SYK: variants seen among roughly 807,000 people sequenced by gnomAD.
SYK encodes spleen associated tyrosine kinase.
In SYK, 16 loss-of-function variants were observed where a neutral mutation model predicts 77.8. The observed-to-expected ratio is 0.21, with a 90% CI of 0.14 to 0.31. The LOEUF (loss-of-function observed/expected upper bound fraction) is 0.31, where lower values mean the gene tolerates loss of function less well. Ranked by LOEUF, SYK falls within the 10% of genes least tolerant of loss-of-function variation. The pLI, the probability that SYK is intolerant of heterozygous loss-of-function variation, is 1.00. For missense variants in SYK, 529 were observed against 814.4 expected, an observed-to-expected ratio of 0.65 and a Z score of 4.26; for synonymous variants, 312 against 308.7, an observed-to-expected ratio of 1.01 and a Z score of -0.11.
intron 1 of SYK, among the ~76,000 whole-genome samples, chr9:90,805,022 G>A (rs1824763242): frequency 6.6e-6 from 1 of 151,950 alleles, no homozygotes; most frequent in South Asian, 2.1e-4. Flanking sequence ...TGGTTAAACT[G>A]GAATCTTAAA....
chr9:90,828,244 CCCG>C (rs1554706461), intron 1 of SYK, among the ~76,000 whole-genome samples: 2 of 114,820 alleles, frequency 1.7e-5, no homozygotes, highest in Non-Finnish European at 1.9e-5. Flanking sequence ...CGCCCCCCCC[CCCG>C]CCCCGCCCAG....
At chr9:90,880,615 T>C (rs10761395) in intron 11 of SYK, among the ~76,000 whole-genome samples, 46,639 of 152,008 alleles carry the variant, frequency 0.31, 7,758 homozygotes, top group Middle Eastern at 0.38. Flanking sequence ...ACAGAGGAGA[T>C]AGAGAAAATG....
At chr9:90,831,729 C>A (rs1260320154) in intron 1 of SYK, among the ~76,000 whole-genome samples, 1 of 152,184 alleles carries the variant, frequency 6.6e-6, no homozygotes, top group Non-Finnish European at 1.5e-5. Context: ...TTTAAGTCAC[C>A]CAACACATAC....
chr9:90,808,787 C>A (rs1246075369), intron 1 of SYK, among the ~76,000 whole-genome samples: 1 of 152,120 alleles, frequency 6.6e-6, no homozygotes, highest in Non-Finnish European at 1.5e-5. Context: ...TTCTAAGGCA[C>A]TCCACCCTTG....
intron 9 of SYK, among the ~76,000 whole-genome samples, chr9:90,875,524 C>T (rs563787711): frequency 2.0e-5 from 3 of 152,066 alleles, no homozygotes; most frequent in Non-Finnish European, 4.4e-5. Flanking sequence ...ATTTTTAGAT[C>T]TTTATTTGTA....
Position 90,877,028 on chromosome 9 carries a change from C to T in SYK, c.1182-543C>T, listed in dbSNP as rs180825065. 1.8e-4 allele frequency among the ~76,000 whole-genome samples: 28 copies of T among 152,256 alleles called. 1 individual carries two copies. The highest frequency in any genetic ancestry group is 1.5e-5 in the Non-Finnish European group (1 of 68,020). ...GTTTTTGCTTGGTTGGGACATTCTT[C>T]AGTACTGTTCTTCACCATTCTTTTT... is the stretch of plus-strand genomic sequence containing the variant. On this transcript the variant is annotated intron_variant, in intron 9 of 13. Transcript: ENST00000375754.
At chr9:90,893,551 G>T (rs1358965453) in intron 13 of SYK, among the ~76,000 whole-genome samples, 2 of 152,126 alleles carry the variant, frequency 1.3e-5, no homozygotes, top group African/African-American at 4.8e-5. Context: ...ACCCAGGTAT[G>T]GTTGAAGGGG....
intron 7 of SYK, 107 bp from the exon 8 acceptor site, chr9:90,874,097 C>T: frequency 3.3e-6 from 3 of 905,412 alleles, no homozygotes; most frequent in Non-Finnish European, 5.2e-6. Flanking sequence ...TTTGTCTTTC[C>T]TGCAAAAGTT....
chr9:90,866,280 A>G (rs933638375), intron 6 of SYK, among the ~76,000 whole-genome samples: 1 of 152,160 alleles, frequency 6.6e-6, no homozygotes, highest in African/African-American at 2.4e-5. Context: ...ACCCTTGAAA[A>G]ACAAAATCTG....
chr9:90,866,372 T>A (rs1827497835), intron 6 of SYK, among the ~76,000 whole-genome samples: 2 of 152,250 alleles, frequency 1.3e-5, no homozygotes, highest in African/African-American at 2.4e-5. Flanking sequence ...CAGGGGAGGC[T>A]GTCCAGGGGC....
chr9:90,884,264 T>TACAC (rs1828311969), intron 11 of SYK, among the ~76,000 whole-genome samples: 1 of 133,774 alleles, frequency 7.5e-6, no homozygotes, highest in Non-Finnish European at 1.6e-5. Flanking sequence ...CACATACACA[T>TACAC]ACGTGTATAT....
intron 1 of SYK, among the ~76,000 whole-genome samples, chr9:90,841,852 T>C (rs2118607109): frequency 2.2e-5 from 3 of 136,734 alleles, no homozygotes; most frequent in Middle Eastern, 7.1e-3. Context: ...GTGTGTGCAG[T>C]GTGTTATGTG....
intron 13 of SYK, 30 bp downstream of exon 13, chr9:90,888,657 T>C: frequency 6.8e-7 from 1 of 1,478,798 alleles, no homozygotes. Flanking sequence ...TGTGATGTAT[T>C]CAGATGCTCT....
chr9:90,814,646 G>T (rs998417516), intron 1 of SYK, among the ~76,000 whole-genome samples: 5 of 152,064 alleles, frequency 3.3e-5, no homozygotes, highest in Non-Finnish European at 7.4e-5. Flanking sequence ...GGTAACACTC[G>T]CCACTATTTC....
intron 1 of SYK, among the ~76,000 whole-genome samples, chr9:90,807,634 G>A (rs546602792): frequency 6.6e-6 from 1 of 152,310 alleles, no homozygotes; most frequent in South Asian, 2.1e-4. Flanking sequence ...CGTCCAGATA[G>A]GTTTGATGAG....
intron 10 of SYK, among the ~76,000 whole-genome samples, chr9:90,878,005 T>G (rs1828011055): frequency 2.0e-5 from 3 of 152,270 alleles, no homozygotes; most frequent in African/African-American, 7.2e-5. Flanking sequence ...TTGACAGTTT[T>G]GTCTTTTTTT....
At chr9:90,803,573 C>A (rs1824693349) in intron 1 of SYK, among the ~76,000 whole-genome samples, 1 of 151,812 alleles carries the variant, frequency 6.6e-6, no homozygotes, top group Non-Finnish European at 1.5e-5. Context: ...AATGAATCAC[C>A]CTGATCTTTG....
intron 1 of SYK, among the ~76,000 whole-genome samples, chr9:90,809,193 C>T (rs897909602): frequency 2.6e-5 from 4 of 152,310 alleles, no homozygotes; most frequent in Middle Eastern, 3.4e-3. Flanking sequence ...GATCTTGTAG[C>T]TCTGTCATGA....
rs1826492531 is a variant in SYK, at chr9:90,844,286, G to C, written c.388G>C (p.Glu130Gln). The C allele has an allele frequency of 6.2e-7, 1 of 1,612,182 alleles. No individual in the cohort carries two copies. The highest frequency in any genetic ancestry group is 1.3e-5 in the African/African-American group (1 of 74,912). ...GGATTTGAAGGAAAACCTCATCAGG[G>C]AATATGTGAAGCAGACATGGAACCT... ...FEDLKENLIR[E>Q]YVKQTWNLQG... The change falls in exon 2 of 14, where the codon GAA (glutamate) becomes CAA (glutamine). Residue 130 changes from glutamate to glutamine, a missense_variant. Physicochemically the swap from Glu to Gln is conservative, Grantham distance 29. Transcript: ENST00000375754.
Sources: allele counts gnomAD v4.1 joint callset (sites outside exome capture counted in the v4.1 genomes callset), GRCh38; gene constraint gnomAD v4.1.1; transcripts MANE v1.5; gene names NCBI Gene and HGNC (gene_info 2026-07-23, HGNC 2026-07-21).